The following ZNF550 variants were observed in gnomAD, a reference collection of about 807,000 sequenced individuals.
ZNF550 encodes the protein zinc finger protein 550.
Under a neutral mutation model 40.2 loss-of-function variants are expected in ZNF550, and 42 were observed. The observed-to-expected ratio is 1.05, with a 90% CI of 0.82 to 1.35. ZNF550 has a LOEUF of 1.35. ZNF550 is among the 40% of genes most tolerant of loss of function. ZNF550 has a pLI of 0.00. For missense variants in ZNF550, 549 were observed against 525.2 expected (o/e 1.05, Z -0.44); for synonymous variants, 223 against 198.6 (o/e 1.12, Z -1.03).
exon 1 of ZNF550, chr19:57,559,831 A>C (rs1388755623): frequency 4.9e-6 from 3 of 610,718 alleles, no homozygotes; most frequent in Non-Finnish European, 7.2e-6. Context: ...ACGCCCCACC[A>C]CAAACGTCCA....
chr19:57,544,274 A>G (rs1230732115), intron 4 of ZNF550: 4 of 985,318 alleles, frequency 4.1e-6, no homozygotes, highest in Non-Finnish European at 4.8e-6. Context: ...TCCTTGTACC[A>G]AACACTTCAG....
exon 4 of ZNF550, chr19:57,546,628 C>T: frequency 9.7e-7 from 1 of 1,031,746 alleles, no homozygotes; most frequent in Non-Finnish European, 1.2e-6. Flanking sequence ...GATTTCTGCT[C>T]TGGCCAAAGA....
intron 3 of ZNF550, among the ~76,000 whole-genome samples, chr19:57,548,262 A>C (rs932435699): frequency 1.3e-5 from 2 of 152,164 alleles, no homozygotes; most frequent in African/African-American, 4.8e-5. Context: ...TAAGGAAGAG[A>C]TAATAGAGTT....
At chr19:57,542,476 T>C (rs572749344) in exon 5 of ZNF550, 1 of 151,980 alleles carries the variant, frequency 6.6e-6, no homozygotes, top group South Asian at 2.1e-4. Flanking sequence ...AATCAGAGGA[T>C]TTGAATCAAG....
At chr19:57,557,585 C>T (rs1277548902) in intron 1 of ZNF550, 1 of 151,904 alleles carries the variant, frequency 6.6e-6, no homozygotes, top group African/African-American at 2.4e-5. Context: ...AGTGCCAGTC[C>T]CCTGGGCCCA....
At chr19:57,553,817 G>A (rs975638345) in intron 2 of ZNF550, 5 of 152,312 alleles carry the variant, frequency 3.3e-5, no homozygotes, top group African/African-American at 9.6e-5. Flanking sequence ...TTCTTCGTGT[G>A]AGACCTGGGC....
chr19:57,553,825 G>C (rs2090096024), intron 2 of ZNF550: 1 of 152,142 alleles, frequency 6.6e-6, no homozygotes. Flanking sequence ...GTGAGACCTG[G>C]GCATCAGTAC....
At chr19:57,546,941 G>T (rs781567767) in exon 4 of ZNF550, 1 of 1,573,112 alleles carries the variant, frequency 6.4e-7, no homozygotes, top group East Asian at 2.3e-5. Context: ...GTGGGTAAAG[G>T]CCTTGCTGTA....
At chr19:57,547,737 G>A in exon 4 of ZNF550, 1 of 1,614,126 alleles carries the variant, frequency 6.2e-7, no homozygotes, top group South Asian at 1.1e-5. Flanking sequence ...ATGCCCTGGA[G>A]TGCAGACCAT....
chr19:57,559,557 G>A, intron 1 of ZNF550, 99 bp downstream of exon 1: 3 of 1,227,084 alleles, frequency 2.4e-6, no homozygotes, highest in East Asian at 3.0e-5. Context: ...GCAACGGCAG[G>A]GACTGCACTG....
At chr19:57,547,261 G>A (rs770556618) in exon 4 of ZNF550, 13 of 1,613,880 alleles carry the variant, frequency 8.1e-6, no homozygotes, top group Non-Finnish European at 1.1e-5. Flanking sequence ...AATTAGGTGG[G>A]CTCTATTGCT....
At chr19:57,560,783 T>G (rs1380167216), upstream of ZNF550, among the ~76,000 whole-genome samples, 1 of 152,064 alleles carries the variant, frequency 6.6e-6, no homozygotes, top group African/African-American at 2.4e-5. Flanking sequence ...TATAATTAGG[T>G]CTGGGGTAGG....
At chr19:57,545,036 C>T (rs1048967011) in intron 4 of ZNF550, among the ~76,000 whole-genome samples, 22 of 152,136 alleles carry the variant, frequency 1.4e-4, no homozygotes, top group African/African-American at 5.3e-4. Flanking sequence ...GCAGGAGAAT[C>T]GCTTGAACCC....
At chr19:57,545,144 C>T (rs2089997230) in intron 4 of ZNF550, among the ~76,000 whole-genome samples, 1 of 152,146 alleles carries the variant, frequency 6.6e-6, no homozygotes, top group African/African-American at 2.4e-5. Context: ...AACTAATTAC[C>T]ATATTCAGTG....
At chr19:57,543,970 A>G (rs1030750044) in intron 4 of ZNF550, 37 of 985,182 alleles carry the variant, frequency 3.8e-5, no homozygotes, top group African/African-American at 2.8e-4. Context: ...TTTTACCTCA[A>G]TCATAAACTG....
Position 57,552,738 on chromosome 19 carries a change from G to C in ZNF550, c.155-16C>G, listed in dbSNP as rs913245070. 1.3e-6 allele frequency: 2 copies of C among 1,568,374 alleles called. No individual in the cohort carries two copies. Among genetic ancestry groups the C allele is most frequent in the African/African-American group, 2.7e-5 (2 of 74,308 alleles). On this transcript the variant is annotated splice_polypyrimidine_tract_variant and intron_variant, in intron 2 of 4. Coordinates refer to ENST00000457177, the Ensembl canonical transcript of ZNF550. ...ACCCGATGCCCTGTTGATAGCAAAA[G>C]AAATAGAATAGGGGTAATTTAATGA... is the stretch of plus-strand genomic sequence containing the variant.
At chr19:57,560,800 G>A (rs1363207755), upstream of ZNF550, among the ~76,000 whole-genome samples, 1 of 152,132 alleles carries the variant, frequency 6.6e-6, no homozygotes, top group Non-Finnish European at 1.5e-5. Context: ...TAGGAAATGG[G>A]TCAAATCTAG....
exon 4 of ZNF550, chr19:57,547,052 G>A (rs1205841011): frequency 1.2e-6 from 2 of 1,613,972 alleles, no homozygotes; most frequent in South Asian, 1.1e-5. Context: ...CACTTGTAGG[G>A]CATCTCCCCA....
At chr19:57,559,813 G>T (rs2090155829) in exon 1 of ZNF550, 1 of 780,182 alleles carries the variant, frequency 1.3e-6, no homozygotes, top group African/African-American at 1.8e-5. Context: ...CTGAGAGCGC[G>T]GACCAACACG....
Sources: gnomAD v4.1 joint callset for allele counts (sites outside exome capture counted in the v4.1 genomes callset) on GRCh38, gnomAD v4.1.1 for gene constraint, MANE v1.5 for transcripts, NCBI Gene and HGNC (gene_info 2026-07-23, HGNC 2026-07-21) for gene names.